Variants in NDST3 observed in about 807,000 individuals in gnomAD.
NDST3 encodes N-deacetylase and N-sulfotransferase 3.
Under a neutral mutation model 96.1 loss-of-function variants are expected in NDST3, and 58 were observed. The observed-to-expected ratio is 0.60, with a 90% CI of 0.49 to 0.75. The LOEUF (loss-of-function observed/expected upper bound fraction) is 0.75. Ranked by LOEUF, NDST3 falls within the 30% of genes least tolerant of loss-of-function variation. The pLI is 0.00. For missense variants in NDST3, 788 were observed against 1,034.2 expected (o/e 0.76, Z 3.27); for synonymous variants, 333 against 359.7 (o/e 0.93, Z 0.84).
At chr4:118,244,910 T>G (rs1741219847) in intron 12 of NDST3, among the ~76,000 whole-genome samples, 1 of 152,166 alleles carries the variant, frequency 6.6e-6, no homozygotes, top group African/African-American at 2.4e-5. Flanking sequence ...TCTGATTTTC[T>G]CAGTGATTGT....
intron 6 of NDST3, among the ~76,000 whole-genome samples, chr4:118,143,919 T>C (rs1262350088): frequency 1.3e-5 from 2 of 152,156 alleles, no homozygotes; most frequent in African/African-American, 4.8e-5. Context: ...CAGCGGATCC[T>C]CCTTTGCATT....
intron 1 of NDST3, among the ~76,000 whole-genome samples, chr4:118,047,724 C>A (rs766265236): frequency 1.3e-5 from 2 of 152,064 alleles, no homozygotes; most frequent in Non-Finnish European, 2.9e-5. Context: ...TAGAAATGAA[C>A]AAAACCTCTG....
Position 118,054,774 on chromosome 4 carries a change from C to T in NDST3, c.864C>T (p.Ala288=), listed in dbSNP as rs201255854. The change falls in exon 2 of 14, where the codon GCC becomes GCT. Residue 288 remains alanine (A), a synonymous_variant. Transcript: ENST00000296499. ...FWLHKLIFID[A]ISFLSGKRLT... is the part of the protein sequence containing the mutation. Reference sequence around the variant, plus strand: ...TGCACAAGCTCATCTTCATAGATGCCATCTCCTTCTTATCAGGGAAGAGGC... The same window carrying T: ...TGCACAAGCTCATCTTCATAGATGCTATCTCCTTCTTATCAGGGAAGAGGC... 2.9e-4 allele frequency: 468 copies of T among 1,613,316 alleles called. 7 individuals are homozygous for T. In the South Asian group the frequency reaches 5.0e-3, roughly 17 times the overall value.
intron 6 of NDST3, among the ~76,000 whole-genome samples, chr4:118,181,364 T>C (rs1736599273): frequency 6.6e-6 from 1 of 152,046 alleles, no homozygotes; most frequent in Non-Finnish European, 1.5e-5. Flanking sequence ...GAGCAGGAAA[T>C]GGAAAGAACA....
intron 12 of NDST3, among the ~76,000 whole-genome samples, chr4:118,245,026 T>C (rs796341909): frequency 1.3e-5 from 2 of 152,302 alleles, no homozygotes; most frequent in African/African-American, 4.8e-5. Context: ...CCTTAATCCC[T>C]AAATGGGATT....
rs1742243643 is a variant in NDST3, at chr4:118,258,481, A to G, written c.*2769A>G. The G allele has an allele frequency of 6.6e-6, 1 of 152,224 alleles. No homozygotes were observed. Among genetic ancestry groups the G allele is most frequent in the Non-Finnish European group, 1.5e-5 (1 of 68,032 alleles). The allele number at this position is 152,224 out of a possible 1,614,324, so 9.4% of individuals were successfully genotyped here. ...AGGAAGAAATGAAATGGTTATTTCAATGTTTATAGCTGTAATATTCTTGTC... is the reference window on the plus strand; with the variant it reads ...AGGAAGAAATGAAATGGTTATTTCAGTGTTTATAGCTGTAATATTCTTGTC... On this transcript the variant is annotated 3_prime_UTR_variant, in exon 14 of 14. Coordinates refer to ENST00000296499, the MANE Select transcript of NDST3 (RefSeq NM_004784.3).
chr4:118,214,841 T>C (rs907623940), intron 6 of NDST3, among the ~76,000 whole-genome samples: 1 of 152,156 alleles, frequency 6.6e-6, no homozygotes, highest in Non-Finnish European at 1.5e-5. Context: ...ATAGGAACAG[T>C]AGTAACCTTA....
At chr4:118,118,497 A>G (rs1014099019) in intron 4 of NDST3, among the ~76,000 whole-genome samples, 1 of 152,224 alleles carries the variant, frequency 6.6e-6, no homozygotes, top group Non-Finnish European at 1.5e-5. Context: ...TTTAACAAAT[A>G]CATCTTATCT....
chr4:118,202,451 G>A (rs897773417), intron 6 of NDST3, among the ~76,000 whole-genome samples: 2 of 152,122 alleles, frequency 1.3e-5, no homozygotes, highest in African/African-American at 4.8e-5. Flanking sequence ...CAATTCATCG[G>A]CATGGAATGT....
intron 4 of NDST3, among the ~76,000 whole-genome samples, chr4:118,130,010 T>C (rs1252903217): frequency 6.6e-6 from 1 of 152,030 alleles, no homozygotes; most frequent in African/African-American, 2.4e-5. Context: ...ACTACTCCTG[T>C]TCATTTTTTG....
chr4:118,053,753 C>T lies in NDST3; in HGVS notation c.-155-3C>T. On this transcript the variant is annotated splice_polypyrimidine_tract_variant and splice_region_variant and intron_variant, in intron 1 of 13. Coordinates refer to ENST00000296499, the MANE Select transcript of NDST3 (RefSeq NM_004784.3). ...CTGTTTTATATTCTTTTCTATTTTT[C>T]AGACTGTATTTTCTGTGAGTCCTGA... 1.4e-6 allele frequency: 1 copy of T among 717,990 alleles called. No individual in the cohort carries two copies. The highest frequency in any genetic ancestry group is 2.2e-6 in the Non-Finnish European group (1 of 464,442). 44.5% of individuals were successfully genotyped at this position (717,990 alleles called of 1,614,324 possible).
intron 6 of NDST3, among the ~76,000 whole-genome samples, chr4:118,148,087 A>C (rs1453002864): frequency 1.3e-5 from 2 of 152,192 alleles, no homozygotes; most frequent in Admixed American, 6.5e-5. Flanking sequence ...TCATGAGGTC[A>C]GGAGATCAAG....
intron 4 of NDST3, among the ~76,000 whole-genome samples, chr4:118,135,145 G>A (rs927117050): frequency 2.6e-5 from 4 of 152,144 alleles, no homozygotes; most frequent in African/African-American, 9.7e-5. Context: ...GCAAATTTAT[G>A]TTGCCTTCTT....
intron 1 of NDST3, among the ~76,000 whole-genome samples, chr4:118,043,756 T>C (rs1259671335): frequency 6.6e-6 from 1 of 152,184 alleles, no homozygotes; most frequent in Non-Finnish European, 1.5e-5. Context: ...TGTCCTTGGA[T>C]GAGTTTGTAG....
intron 1 of NDST3, among the ~76,000 whole-genome samples, chr4:118,039,007 T>C (rs1051685637): frequency 1.3e-5 from 2 of 152,340 alleles, no homozygotes; most frequent in African/African-American, 2.4e-5. Context: ...TTGTATATAT[T>C]GAGTTCTTTC....
intron 12 of NDST3, among the ~76,000 whole-genome samples, chr4:118,252,832 G>A (rs1419436997): frequency 1.3e-5 from 2 of 151,994 alleles, no homozygotes; most frequent in African/African-American, 2.4e-5. Context: ...TGGAGGTTGC[G>A]GCGAGCCGAG....
intron 2 of NDST3, among the ~76,000 whole-genome samples, chr4:118,084,970 C>T (rs1336134084): frequency 6.6e-6 from 1 of 151,788 alleles, no homozygotes; most frequent in African/African-American, 2.4e-5. Context: ...AATACAAAAA[C>T]AAAATTAGCC....
chr4:118,201,245 G>T (rs978720733), intron 6 of NDST3, among the ~76,000 whole-genome samples: 2 of 152,204 alleles, frequency 1.3e-5, no homozygotes, highest in Non-Finnish European at 2.9e-5. Context: ...ACAATGAACA[G>T]AAAAGTGCAT....
chr4:118,230,518 T>C (rs1378792590), intron 8 of NDST3, among the ~76,000 whole-genome samples: 1 of 150,200 alleles, frequency 6.7e-6, no homozygotes, highest in Non-Finnish European at 1.5e-5. Context: ...GAGCTTGCAG[T>C]GAGCCGAGAT....
Sources: gnomAD v4.1 joint callset for allele counts (sites outside exome capture counted in the v4.1 genomes callset) on GRCh38, gnomAD v4.1.1 for gene constraint, MANE v1.5 for transcripts, NCBI Gene and HGNC (gene_info 2026-07-23, HGNC 2026-07-21) for gene names.